Variants in PLCG2 observed in about 807,000 individuals in gnomAD.
PLCG2 encodes 1-phosphatidylinositol 4,5-bisphosphate phosphodiesterase gamma-2.
PLCG2 carries 69 observed loss-of-function variants against 175.6 expected under a neutral mutation model. The observed-to-expected ratio is 0.39, with a 90% confidence interval of 0.32 to 0.48. The LOEUF (loss-of-function observed/expected upper bound fraction) is 0.48. Among genes scored for constraint, PLCG2 ranks in the 20% least tolerant of loss-of-function variants. The pLI is 0.91. For synonymous variants in PLCG2, 827 were observed against 624.0 expected, an observed-to-expected ratio of 1.33 and a Z score of -4.85; for missense variants, 1,798 against 1,650.9, an observed-to-expected ratio of 1.09 and a Z score of -1.54.
intron 2 of PLCG2, among the ~76,000 whole-genome samples, chr16:81,812,294 A>C (rs79422978): frequency 1 from 151,453 of 152,174 alleles, 75,369 homozygotes; most frequent in East Asian, 1. Flanking sequence ...CGTGATCCAC[A>C]CGCCTCAGCC....
intron 1 of PLCG2, 112 bp downstream of exon 1, chr16:81,779,536 G>C (rs1403003265): frequency 1.3e-5 from 2 of 151,982 alleles, no homozygotes; most frequent in Non-Finnish European, 2.9e-5. Context: ...GGCTCAGCCG[G>C]AGCGGGCAGG....
chr16:81,802,562 C>A (rs930558843), intron 2 of PLCG2, among the ~76,000 whole-genome samples: 4 of 152,034 alleles, frequency 2.6e-5, no homozygotes, highest in Non-Finnish European at 5.9e-5. Flanking sequence ...GATTTGTTTT[C>A]TTTCTTTTTT....
intron 2 of PLCG2, among the ~76,000 whole-genome samples, chr16:81,792,377 G>C (rs1456651666): frequency 6.7e-6 from 1 of 149,660 alleles, no homozygotes; most frequent in African/African-American, 2.5e-5. Flanking sequence ...AGCTACTTGG[G>C]AGGCTGAGGC....
At chr16:81,750,422 C>CAAAAAAA (rs35697599) in intron 1 of PLCG2, among the ~76,000 whole-genome samples, 1 of 110,058 alleles carries the variant, frequency 9.1e-6, no homozygotes, top group African/African-American at 3.7e-5. Context: ...GACTCTGTCT[C>CAAAAAAA]AAAAAAAAAA....
intron 24 of PLCG2, among the ~76,000 whole-genome samples, chr16:81,929,201 TC>T (rs1436538275): frequency 6.6e-6 from 1 of 152,106 alleles, no homozygotes; most frequent in African/African-American, 2.4e-5. Context: ...GTTTCCTGGG[TC>T]TTGAGCCTGC....
chr16:81,900,804 T>A (rs780297802), intron 14 of PLCG2, 24 bp downstream of exon 14: 1 of 1,586,226 alleles, frequency 6.3e-7, no homozygotes, highest in Non-Finnish European at 8.6e-7. Context: ...GTGCTGCTGT[T>A]GGCTGTCCAG....
intron 14 of PLCG2, among the ~76,000 whole-genome samples, chr16:81,903,966 A>G (rs1909258947): frequency 6.6e-6 from 1 of 152,190 alleles, no homozygotes; most frequent in South Asian, 2.1e-4. Flanking sequence ...AGGCGTGGTC[A>G]TATGTATCTT....
At chr16:81,862,258 A>G (rs1907020774) in intron 5 of PLCG2, among the ~76,000 whole-genome samples, 1 of 152,252 alleles carries the variant, frequency 6.6e-6, no homozygotes, top group Non-Finnish European at 1.5e-5. Flanking sequence ...GGCAATGGAC[A>G]AGTCTTAGGT....
chr16:81,819,563 A>T (rs1428765844), intron 2 of PLCG2, among the ~76,000 whole-genome samples: 1 of 152,120 alleles, frequency 6.6e-6, no homozygotes, highest in African/African-American at 2.4e-5. Flanking sequence ...ACTCTATCCC[A>T]GCTCAGTTAT....
chr16:81,911,134 C>T (rs185440313), intron 18 of PLCG2, among the ~76,000 whole-genome samples: 4 of 151,852 alleles, frequency 2.6e-5, no homozygotes, highest in South Asian at 2.1e-4. Flanking sequence ...GTAGGTCTTG[C>T]GAAGGGTCAA....
At chr16:81,940,601 A>C (rs372759163) in intron 30 of PLCG2, among the ~76,000 whole-genome samples, 19 of 152,296 alleles carry the variant, frequency 1.2e-4, no homozygotes, top group African/African-American at 4.1e-4. Context: ...AGATCCCTTC[A>C]TGGTATAAGA....
intron 31 of PLCG2, among the ~76,000 whole-genome samples, chr16:81,955,998 A>G (rs1226633206): frequency 1.3e-5 from 2 of 152,196 alleles, no homozygotes; most frequent in Non-Finnish European, 2.9e-5. Context: ...TCATGGCCAC[A>G]ATCAATTTTA....
chr16:81,883,156 C>A (rs1043896100), intron 8 of PLCG2, 113 bp from the exon 9 acceptor site: 3 of 837,842 alleles, frequency 3.6e-6, no homozygotes, highest in African/African-American at 1.7e-5. Flanking sequence ...TAACACAGTG[C>A]CAGACTAAGT....
chr16:81,839,109 C>T (rs1008377102), intron 2 of PLCG2, among the ~76,000 whole-genome samples: 2 of 152,110 alleles, frequency 1.3e-5, no homozygotes, highest in African/African-American at 4.8e-5. Context: ...TATTATTTTG[C>T]AGTTCCTATT....
intron 31 of PLCG2, among the ~76,000 whole-genome samples, chr16:81,951,655 C>T (rs902809013): frequency 2.0e-5 from 3 of 152,158 alleles, no homozygotes; most frequent in Admixed American, 2.0e-4. Flanking sequence ...AGACCAATGT[C>T]ATGTGTGAAT....
intron 24 of PLCG2, among the ~76,000 whole-genome samples, chr16:81,929,659 G>A (rs895250185): frequency 3.3e-5 from 5 of 152,202 alleles, no homozygotes; most frequent in Non-Finnish European, 5.9e-5. Context: ...GCCTCCCAAA[G>A]TGCTGGGATT....
At chr16:81,753,847 G>A (rs1162088841) in intron 1 of PLCG2, among the ~76,000 whole-genome samples, 1 of 152,188 alleles carries the variant, frequency 6.6e-6, no homozygotes, top group Non-Finnish European at 1.5e-5. Context: ...AGAAGCAGCT[G>A]GAGGGCTGGG....
At chr16:81,772,987 GACAGCTGCCCTGTTTGGCC>G (rs1007276848) in intron 2 of PLCG2, among the ~76,000 whole-genome samples, 98 of 152,238 alleles carry the variant, frequency 6.4e-4, no homozygotes, top group African/African-American at 2.3e-3. Flanking sequence ...TGCCCCTGCC[GACAGCTGCCCTGTTTGGCC>G]ACATACTCTT....
At chr16:81,840,615 C>A (rs1007660021) in intron 2 of PLCG2, among the ~76,000 whole-genome samples, 9 of 152,130 alleles carry the variant, frequency 5.9e-5, no homozygotes, top group African/African-American at 2.2e-4. Context: ...CTCACATGTG[C>A]AGTTCTCAAT....
Sources: gnomAD v4.1 joint callset for allele counts (sites outside exome capture counted in the v4.1 genomes callset) on GRCh38, gnomAD v4.1.1 for gene constraint, MANE v1.5 for transcripts, NCBI Gene and HGNC (gene_info 2026-07-23, HGNC 2026-07-21) for gene names.